The following SWT1 variants were observed in gnomAD, a reference collection of about 807,000 sequenced individuals.
SWT1 encodes the protein SWT1 RNA endoribonuclease homolog, also known as transcriptional protein SWT1.
Under a neutral mutation model 107.3 loss-of-function variants are expected in SWT1, and 33 were observed. The observed-to-expected ratio is 0.31, with a 90% CI of 0.23 to 0.41. SWT1 has a LOEUF of 0.41. Ranked by LOEUF, SWT1 falls within the 10% of genes least tolerant of loss-of-function variation. The pLI, the probability that SWT1 is intolerant of heterozygous loss-of-function variation, is 1.00. For synonymous variants in SWT1, 345 were observed against 348.3 expected, an observed-to-expected ratio of 0.99 and a Z score of 0.11; for missense variants, 898 against 1,028.9, an observed-to-expected ratio of 0.87 and a Z score of 1.74.
At position 185,202,782 on chromosome 1, in the gene SWT1, A is replaced by C. The variant is rs768175845; in HGVS notation, c.1652A>C (p.Lys551Thr). 1 of 1,554,326 alleles carries C rather than the reference A, an allele frequency of 6.4e-7. No homozygotes were observed. The change falls in exon 11 of 19, where the codon AAG (lysine) becomes ACG (threonine). Residue 551 changes from lysine (K) to threonine (T), a missense_variant. Lys to Thr is a moderately conservative substitution (Grantham distance 78). This residue lies in a region of SWT1 where 382 missense variants were observed against 460.0 expected (regional missense o/e 0.83). Transcript: ENST00000367500. ...TDVCHQPCIP[K>T]QQLKAETTPL... Reference sequence around the variant, plus strand: ...GTGTGTCATCAGCCTTGTATTCCTAAGCAACAGTTGAAAGCAGGTAGTATT... The same window carrying C: ...GTGTGTCATCAGCCTTGTATTCCTACGCAACAGTTGAAAGCAGGTAGTATT...
intron 10 of SWT1, 143 bp from the exon 11 acceptor site, chr1:185,202,511 T>A (rs1365996686): frequency 7.5e-6 from 4 of 536,798 alleles, no homozygotes; most frequent in Non-Finnish European, 1.3e-5. Flanking sequence ...AAGCTCATAT[T>A]TTTTTAAAAA....
intron 5 of SWT1, chr1:185,176,938 C>T (rs1032484808): frequency 1.3e-5 from 9 of 687,298 alleles, no homozygotes; most frequent in East Asian, 1.4e-4. Context: ...GAGCCAAGAT[C>T]GCGCCACTGC....
intron 16 of SWT1, among the ~76,000 whole-genome samples, chr1:185,244,633 A>G (rs1478451422): frequency 6.6e-6 from 1 of 152,196 alleles, no homozygotes; most frequent in African/African-American, 2.4e-5. Flanking sequence ...ACACTACTAT[A>G]GACTATAAGC....
At position 185,166,644 on chromosome 1, in the gene SWT1, A is replaced by G. The variant is rs112817801; in HGVS notation, c.157A>G (p.Arg53Gly). ...TATAAGATCAGTTTCATCAGAAAAG[A>G]GAAAACTGGTGAGTGTCTAGATATA... ...SSIRSVSSEK[R>G]KLKSDHTDVL... The change falls in exon 3 of 19, where the codon AGA becomes GGA. Residue 53 changes from arginine to glycine, a missense_variant. Arg to Gly is a moderately radical substitution (Grantham distance 125). Coordinates refer to ENST00000367500, the MANE Select transcript of SWT1 (RefSeq NM_017673.7). The G allele has an allele frequency of 6.3e-7, 1 of 1,593,078 alleles. No homozygotes were observed. Among genetic ancestry groups the G allele is most frequent in the South Asian group, 1.1e-5 (1 of 88,764 alleles).
intron 16 of SWT1, among the ~76,000 whole-genome samples, chr1:185,244,007 T>G (rs1661429718): frequency 1.3e-5 from 2 of 152,166 alleles, no homozygotes; most frequent in South Asian, 4.1e-4. Flanking sequence ...CAGCCTTCTT[T>G]CATGGACTTT....
chr1:185,180,487 G>T, intron 6 of SWT1, 37 bp downstream of exon 6: 2 of 1,469,796 alleles, frequency 1.4e-6, no homozygotes, highest in Non-Finnish European at 1.9e-6. Context: ...TATTTTTAAT[G>T]AAATTAAGTC....
At chr1:185,159,353 T>A (rs1653941843) in intron 1 of SWT1, among the ~76,000 whole-genome samples, 1 of 152,168 alleles carries the variant, frequency 6.6e-6, no homozygotes, top group Admixed American at 6.5e-5. Context: ...TATACAACAT[T>A]TGTCCGAATA....
At chr1:185,193,042 T>C (rs1320245351) in intron 10 of SWT1, among the ~76,000 whole-genome samples, 1 of 152,194 alleles carries the variant, frequency 6.6e-6, no homozygotes, top group Non-Finnish European at 1.5e-5. Flanking sequence ...AACTGTCCTC[T>C]AAGCACTTCT....
intron 15 of SWT1, among the ~76,000 whole-genome samples, chr1:185,225,764 G>C: frequency 6.6e-6 from 1 of 152,178 alleles, no homozygotes; most frequent in Non-Finnish European, 1.5e-5. Flanking sequence ...TTGCCCAGCA[G>C]TGCATTTCTT....
At chr1:185,231,929 T>C (rs12096987) in intron 16 of SWT1, among the ~76,000 whole-genome samples, 69,901 of 151,954 alleles carry the variant, frequency 0.46, 18,197 homozygotes, top group African/African-American at 0.72. Flanking sequence ...ATTAGATATA[T>C]AGGTTGATAA....
At chr1:185,193,571 A>G (rs1000126024) in intron 10 of SWT1, among the ~76,000 whole-genome samples, 3 of 151,792 alleles carry the variant, frequency 2.0e-5, no homozygotes, top group African/African-American at 7.3e-5. Context: ...GATTCAAGCA[A>G]TTCTCCTGCC....
chr1:185,272,015 C>G (rs1448956306), intron 17 of SWT1, among the ~76,000 whole-genome samples: 1 of 152,180 alleles, frequency 6.6e-6, no homozygotes, highest in Non-Finnish European at 1.5e-5. Context: ...TTTAACATCC[C>G]TATACATCAG....
intron 16 of SWT1, among the ~76,000 whole-genome samples, chr1:185,233,935 C>A (rs560721677): frequency 1.3e-5 from 2 of 151,844 alleles, no homozygotes; most frequent in Non-Finnish European, 2.9e-5. Context: ...TAGTAGAGAC[C>A]GGGTTTCACC....
intron 2 of SWT1, among the ~76,000 whole-genome samples, chr1:185,164,199 G>T (rs1292284852): frequency 6.6e-6 from 1 of 151,576 alleles, no homozygotes; most frequent in Non-Finnish European, 1.5e-5. Context: ...TGAACAGTAG[G>T]TCTCAACAGT....
In SWT1 at chr1:185,271,449, A is replaced by G. The variant is rs142755178; in HGVS notation, c.2508+60A>G. Reference sequence around the variant, plus strand: ...CTACTTTAAACAAATTTTAATGTAAATAAACAGAGTAGGAGTTCTCAAACA... The same window carrying G: ...CTACTTTAAACAAATTTTAATGTAAGTAAACAGAGTAGGAGTTCTCAAACA... On this transcript the variant is annotated intron_variant, in intron 17 of 18. Coordinates refer to ENST00000367500, the MANE Select transcript of SWT1 (RefSeq NM_017673.7). 1,210 of 876,684 alleles carry G rather than the reference A, an allele frequency of 1.4e-3. 1 individual carries two copies. The highest frequency in any genetic ancestry group is 2.0e-3 in the Non-Finnish European group (1,097 of 537,474). The allele number at this position is 876,684 out of a possible 1,614,324, so 54.3% of individuals were successfully genotyped here.
intron 18 of SWT1, among the ~76,000 whole-genome samples, chr1:185,286,908 C>G (rs942185008): frequency 2.0e-5 from 3 of 152,148 alleles, no homozygotes; most frequent in African/African-American, 4.8e-5. Context: ...TTATCGTGTT[C>G]TTGATCTGAG....
chr1:185,214,442 C>G (rs1183607934), intron 13 of SWT1, 65 bp from the exon 14 acceptor site: 2 of 1,295,366 alleles, frequency 1.5e-6, no homozygotes, highest in African/African-American at 3.0e-5. Flanking sequence ...ATTAGTGTTC[C>G]AAAGACATTT....
At chr1:185,180,158 T>C (rs1398608734) in intron 5 of SWT1, among the ~76,000 whole-genome samples, 1 of 152,110 alleles carries the variant, frequency 6.6e-6, no homozygotes, top group Non-Finnish European at 1.5e-5. Context: ...CACTCCAGTT[T>C]GGGTGACAGA....
Position 185,174,841 on chromosome 1 carries a change from A to G in SWT1, c.694A>G (p.Ile232Val). 1.2e-6 allele frequency: 2 copies of G among 1,614,112 alleles called. No individual in the cohort carries two copies. Among genetic ancestry groups the G allele is most frequent in the Non-Finnish European group, 1.7e-6 (2 of 1,180,002 alleles). ...ACCCTTGGGATCTAGAAGACAGAAG[A>G]TCAGTTTCAAAATCCCTATAAAATC... ...KEPLGSRRQK[I>V]SFKIPIKSRD... The change falls in exon 5 of 19, where the codon ATC becomes GTC. Residue 232 changes from isoleucine (I) to valine (V), a missense_variant. Transcript: ENST00000367500.
Sources: gnomAD v4.1 joint callset for allele counts (sites outside exome capture counted in the v4.1 genomes callset) on GRCh38, gnomAD v4.1.1 for gene constraint, gnomAD v4.1.1 regional missense constraint, MANE v1.5 for transcripts, NCBI Gene and HGNC (gene_info 2026-07-23, HGNC 2026-07-21) for gene names.